SPATS2L: variants seen among roughly 807,000 people sequenced by gnomAD.
SPATS2L encodes SPATS2-like protein.
Under a neutral mutation model 59.6 loss-of-function variants are expected in SPATS2L, and 30 were observed. That is an observed-to-expected ratio of 0.50 (90% CI 0.38 to 0.68). The LOEUF is 0.68. Ranked by LOEUF, SPATS2L falls within the 30% of genes least tolerant of loss-of-function variation. The probability of loss-of-function intolerance (pLI) is 0.00; values close to 1 mark genes in which losing one functional copy is unlikely to be tolerated. For missense variants in SPATS2L, 615 were observed against 700.0 expected (o/e 0.88, Z 1.37); for synonymous variants, 252 against 263.5 (o/e 0.96, Z 0.42).
chr2:200,439,216 A>T lies in SPATS2L; in HGVS notation c.540A>T (p.Ser180=). The change falls in exon 7 of 13, where the codon TCA becomes TCT. Residue 180 remains serine, a synonymous_variant. Transcript: ENST00000409140. ...TTERSDGLQW[S]AEQPCNPSKP... ...AGAGGTCAGATGGCCTACAGTGGTC[A>T]GCTGAGCAGCCTTGTAACCCAAGCA... The T allele has an allele frequency of 6.2e-7, 1 of 1,613,770 alleles. No homozygotes were observed. Among genetic ancestry groups the T allele is most frequent in the Non-Finnish European group, 8.5e-7 (1 of 1,179,722 alleles).
intron 2 of SPATS2L, among the ~76,000 whole-genome samples, chr2:200,378,841 A>G (rs1291584173): frequency 6.6e-6 from 1 of 152,052 alleles, no homozygotes; most frequent in African/African-American, 2.4e-5. Context: ...GTTCAGAGTT[A>G]TATTGCAGAA....
At chr2:200,400,340 T>C (rs776411548) in intron 3 of SPATS2L, among the ~76,000 whole-genome samples, 3 of 152,212 alleles carry the variant, frequency 2.0e-5, no homozygotes, top group Non-Finnish European at 4.4e-5. Flanking sequence ...GTCTAACTGG[T>C]AGTTCTGGGA....
intron 2 of SPATS2L, among the ~76,000 whole-genome samples, chr2:200,343,849 T>C (rs2080415348): frequency 6.6e-6 from 1 of 152,110 alleles, no homozygotes; most frequent in Non-Finnish European, 1.5e-5. Flanking sequence ...AAGTATGCAA[T>C]GTGATCATAT....
chr2:200,411,296 A>G (rs1431043899), intron 3 of SPATS2L, among the ~76,000 whole-genome samples: 1 of 152,196 alleles, frequency 6.6e-6, no homozygotes, highest in African/African-American at 2.4e-5. Flanking sequence ...GTTCAATGAA[A>G]TGTTCTGGTC....
At chr2:200,476,329 C>T (rs1351390349) in intron 12 of SPATS2L, among the ~76,000 whole-genome samples, 2 of 152,098 alleles carry the variant, frequency 1.3e-5, no homozygotes, top group African/African-American at 2.4e-5. Context: ...AGATACACTT[C>T]ACCCCTATAT....
intron 2 of SPATS2L, among the ~76,000 whole-genome samples, chr2:200,375,760 G>T (rs2081578034): frequency 1.3e-5 from 2 of 152,130 alleles, no homozygotes; most frequent in South Asian, 4.1e-4. Flanking sequence ...CCTAGTAGCT[G>T]GGACTACAGG....
At chr2:200,439,838 G>C (rs1292210933) in intron 7 of SPATS2L, among the ~76,000 whole-genome samples, 1 of 152,132 alleles carries the variant, frequency 6.6e-6, no homozygotes, top group Non-Finnish European at 1.5e-5. Context: ...TGACACGCTG[G>C]ATTTTTATGA....
At chr2:200,358,572 C>T (rs1001480206) in intron 2 of SPATS2L, among the ~76,000 whole-genome samples, 3 of 149,800 alleles carry the variant, frequency 2.0e-5, no homozygotes, top group Non-Finnish European at 4.4e-5. Context: ...TTATTCACTA[C>T]ATACACACAA....
intron 2 of SPATS2L, 123 bp downstream of exon 2, chr2:200,329,603 A>C: frequency 1.3e-6 from 1 of 771,778 alleles, no homozygotes; most frequent in Non-Finnish European, 2.2e-6. Flanking sequence ...GCTGCCTCTC[A>C]GGGCTCAACA....
intron 2 of SPATS2L, among the ~76,000 whole-genome samples, chr2:200,362,801 A>G (rs2081150910): frequency 6.6e-6 from 1 of 152,208 alleles, no homozygotes; most frequent in Non-Finnish European, 1.5e-5. Context: ...AAGGATATAA[A>G]GAAGGAGAAA....
At chr2:200,324,208 C>G (rs1398728378) in intron 1 of SPATS2L, among the ~76,000 whole-genome samples, 1 of 152,152 alleles carries the variant, frequency 6.6e-6, no homozygotes, top group Admixed American at 6.5e-5. Flanking sequence ...ATTGACCACC[C>G]TTGCTTGGAC....
chr2:200,324,986 G>A (rs1359158211), intron 1 of SPATS2L, among the ~76,000 whole-genome samples: 1 of 152,066 alleles, frequency 6.6e-6, no homozygotes, highest in Non-Finnish European at 1.5e-5. Context: ...TCAAGGTACA[G>A]CAACATATAT....
intron 2 of SPATS2L, among the ~76,000 whole-genome samples, chr2:200,384,210 T>C (rs2081916741): frequency 6.6e-6 from 1 of 152,244 alleles, no homozygotes; most frequent in Admixed American, 6.5e-5. Flanking sequence ...TGTTTATCTT[T>C]GTTCTAAGCT....
At chr2:200,344,840 A>G (rs2080458550) in intron 2 of SPATS2L, among the ~76,000 whole-genome samples, 1 of 151,810 alleles carries the variant, frequency 6.6e-6, no homozygotes, top group Non-Finnish European at 1.5e-5. Flanking sequence ...GCTTTTTTTC[A>G]TATGCTTTTT....
At chr2:200,320,570 G>A (rs2079529749) in intron 1 of SPATS2L, among the ~76,000 whole-genome samples, 1 of 152,216 alleles carries the variant, frequency 6.6e-6, no homozygotes, top group Non-Finnish European at 1.5e-5. Flanking sequence ...GCTGAGGCAT[G>A]TCCTAACAGT....
chr2:200,412,391 G>C lies in SPATS2L; in HGVS notation c.120G>C (p.Val40=), dbSNP rs1019130194. 1.1e-5 allele frequency: 18 copies of C among 1,605,518 alleles called. No homozygotes were observed. In the African/African-American group the frequency reaches 2.4e-4, roughly 22 times the overall value. Reference sequence around the variant, plus strand: ...TGCTCCAACAGTTTGATTTTAATGTGGATAAAGCCGTGCAAGCCTTTGTGG... The same window carrying C: ...TGCTCCAACAGTTTGATTTTAATGTCGATAAAGCCGTGCAAGCCTTTGTGG... ...VLVLQQFDFN[V]DKAVQAFVDG... Residue 40 remains valine (V), a synonymous_variant, in exon 4 of 13, where the codon GTG becomes GTC. Coordinates refer to ENST00000409140, the MANE Select transcript of SPATS2L (RefSeq NM_001100423.2).
intron 8 of SPATS2L, among the ~76,000 whole-genome samples, chr2:200,445,560 A>C (rs189555586): frequency 6.6e-6 from 1 of 152,236 alleles, no homozygotes; most frequent in Admixed American, 6.5e-5. Context: ...GAGGTCTCCC[A>C]TATGGGAAGT....
intron 3 of SPATS2L, among the ~76,000 whole-genome samples, chr2:200,394,645 C>T (rs1313672537): frequency 2.0e-5 from 3 of 152,142 alleles, no homozygotes; most frequent in Non-Finnish European, 4.4e-5. Flanking sequence ...GACTTCATTT[C>T]CCATTTACGA....
chr2:200,446,029 T>G (rs2085018210), intron 8 of SPATS2L, among the ~76,000 whole-genome samples: 1 of 152,142 alleles, frequency 6.6e-6, no homozygotes, highest in Non-Finnish European at 1.5e-5. Context: ...CCAGAGATAC[T>G]GATTGTACCA....
Sources: gnomAD v4.1 joint callset for allele counts (sites outside exome capture counted in the v4.1 genomes callset) on GRCh38, gnomAD v4.1.1 for gene constraint, MANE v1.5 for transcripts, NCBI Gene and HGNC (gene_info 2026-07-23, HGNC 2026-07-21) for gene names.